Variants in HIC1 observed in about 807,000 individuals in gnomAD.
HIC1 encodes hypermethylated in cancer 1 protein.
HIC1 carries 9 observed loss-of-function variants against 26.4 expected under a neutral mutation model. That is an observed-to-expected ratio of 0.34 (90% confidence interval 0.21 to 0.59). HIC1 has a LOEUF of 0.59. HIC1 is among the 20% of genes least tolerant of loss of function. The pLI, the probability that HIC1 is intolerant of heterozygous loss-of-function variation, is 0.82. For synonymous variants in HIC1, 631 were observed against 523.1 expected (o/e 1.21, Z -2.81); for missense variants, 965 against 1,075.7 (o/e 0.90, Z 1.44).
At chr17:2,056,473 T>C (rs534087336) in intron 1 of HIC1, 198 bp from the exon 2 acceptor site, 2 of 1,341,322 alleles carry the variant, frequency 1.5e-6, no homozygotes, top group East Asian at 2.3e-5. Flanking sequence ...GCTCACCTCC[T>C]GCTCCTTCTC....
Position 2,058,364 on chromosome 17 carries a change from C to T in HIC1, c.1674C>T (p.Arg558=). The part of the protein sequence containing the change: ...ACGMRFTRQY[R]LTEHMRIHSG... ...GCATGCGGTTCACGCGCCAGTACCG[C>T]CTCACGGAGCACATGCGCATCCACT... Residue 558 remains arginine, a synonymous_variant, in exon 2 of 2, where the codon CGC becomes CGT. Transcript: ENST00000619757. 1 of 1,610,660 alleles carries T rather than the reference C, an allele frequency of 6.2e-7. No homozygotes were observed. Among genetic ancestry groups the T allele is most frequent in the Non-Finnish European group, 8.5e-7 (1 of 1,179,006 alleles).
At chr17:2,056,345 G>C (rs2067672420) in intron 1 of HIC1, 1 of 1,613,230 alleles carries the variant, frequency 6.2e-7, no homozygotes, top group South Asian at 1.1e-5. Context: ...TACTTAAATC[G>C]GGTAACTGTC....
rs2067766552 is a variant in HIC1 at position 2,061,289 on chromosome 17, C to T, written c.*2454C>T. 3 of 563,698 alleles carry T rather than the reference C, an allele frequency of 5.3e-6. No homozygotes were observed. The highest frequency in any genetic ancestry group is 3.2e-5 in the Admixed American group (1 of 31,344). The allele number at this position is 563,698 out of a possible 1,614,324, so 34.9% of individuals were successfully genotyped here. Reference sequence around the variant, plus strand: ...TAAATCCTGGCAGCCCAGGAGGGTCCCAGCAGCTTCCGCCCGATCCTTGGG... The same window carrying T: ...TAAATCCTGGCAGCCCAGGAGGGTCTCAGCAGCTTCCGCCCGATCCTTGGG... On this transcript the variant is annotated 3_prime_UTR_variant, in exon 2 of 2. Coordinates refer to ENST00000619757, the MANE Select transcript of HIC1 (RefSeq NM_006497.4).
rs749434185 is a variant in HIC1 at position 2,061,491 on chromosome 17, C to G, written c.*2656C>G. 141 of 1,571,534 alleles carry G rather than the reference C, an allele frequency of 9.0e-5. 1 individual carries two copies. The South Asian group carries it at 1.6e-3, about 17-fold the overall frequency. ...GGGGGGGGGGCCCCAGTGTGGCTCCCTCAGCCCACCTGGGCCCACGTGAGG... is the reference window on the plus strand; with the variant it reads ...GGGGGGGGGGCCCCAGTGTGGCTCCGTCAGCCCACCTGGGCCCACGTGAGG... On this transcript the variant is annotated 3_prime_UTR_variant, in exon 2 of 2. Transcript: ENST00000619757.
chr17:2,061,431 C>A lies in HIC1; in HGVS notation c.*2596C>A. 2 of 1,500,934 alleles carry A rather than the reference C, an allele frequency of 1.3e-6. No homozygotes were observed. The highest frequency in any genetic ancestry group is 1.8e-6 in the Non-Finnish European group (2 of 1,118,694). 93.0% of individuals were successfully genotyped at this position (1,500,934 alleles called of 1,614,324 possible). On this transcript the variant is annotated 3_prime_UTR_variant, in exon 2 of 2. Coordinates refer to ENST00000619757, the MANE Select transcript of HIC1 (RefSeq NM_006497.4). ...GCACGTGGGCATCTTCCGTGCTACACTGGGCGCCTGGTGGCCTTTCAGGAA... is the reference window on the plus strand; with the variant it reads ...GCACGTGGGCATCTTCCGTGCTACAATGGGCGCCTGGTGGCCTTTCAGGAA...
At position 2,058,109 on chromosome 17, in the gene HIC1, G is replaced by A; in HGVS notation, c.1419G>A (p.Lys473=). 5 of 1,596,962 alleles carry A rather than the reference G, an allele frequency of 3.1e-6. No homozygotes were observed. Among genetic ancestry groups the A allele is most frequent in the Non-Finnish European group, 4.3e-6 (5 of 1,175,156 alleles). ...LGPPFGGGGD[K]VAGAPGGLGE... ...CCCCTTTTGGAGGCGGCGGGGACAA[G>A]GTCGCCGGGGCTCCGGGTGGCCTGG... The change falls in exon 2 of 2, where the codon AAG becomes AAA. Residue 473 remains lysine (K), a synonymous_variant. Coordinates refer to ENST00000619757, the MANE Select transcript of HIC1 (RefSeq NM_006497.4).
Position 2,057,480 on chromosome 17 carries a change from C to T in HIC1, c.790C>T (p.Pro264Ser). Reference protein sequence around the residue: ...SAGPAAYKEPPLALPSLPPLP... With the variant: ...SAGPAAYKEPSLALPSLPPLP... ...CGGCCCCGCCGCCTACAAGGAGCCG[C>T]CTCTCGCCCTGCCGTCGCTGCCGCC... Residue 264 changes from proline to serine, a missense_variant, in exon 2 of 2, where the codon CCT (proline) becomes TCT (serine). Transcript: ENST00000619757. 6.7e-7 allele frequency: 1 copy of T among 1,482,448 alleles called. No homozygotes were observed. The highest frequency in any genetic ancestry group is 1.3e-5 in the South Asian group (1 of 79,350). The allele number at this position is 1,482,448 out of a possible 1,614,324, so 91.8% of individuals were successfully genotyped here.
At chr17:2,056,119 C>T in intron 1 of HIC1, 1 of 309,752 alleles carries the variant, frequency 3.2e-6, no homozygotes, top group Non-Finnish European at 5.9e-6. Context: ...GCCGCTGCCT[C>T]CGCTCCCCGC....
chr17:2,061,433 G>T lies in HIC1; in HGVS notation c.*2598G>T. ...ACGTGGGCATCTTCCGTGCTACACT[G>T]GGCGCCTGGTGGCCTTTCAGGAACG... On this transcript the variant is annotated 3_prime_UTR_variant, in exon 2 of 2. Coordinates refer to ENST00000619757, the MANE Select transcript of HIC1 (RefSeq NM_006497.4). 2.0e-6 allele frequency: 3 copies of T among 1,514,476 alleles called. No homozygotes were observed. Among genetic ancestry groups the T allele is most frequent in the Non-Finnish European group, 2.7e-6 (3 of 1,127,468 alleles). 93.8% of individuals were successfully genotyped at this position (1,514,476 alleles called of 1,614,324 possible). A position where few individuals can be genotyped will look rare whatever the true frequency, so the allele number is the denominator to read the frequency against.
At chr17:2,056,526 G>A in intron 1 of HIC1, 145 bp from the exon 2 acceptor site, 1 of 1,356,796 alleles carries the variant, frequency 7.4e-7, no homozygotes, top group Non-Finnish European at 1.0e-6. Context: ...CCAGAGGGCA[G>A]CCGGTCCTTC....
Position 2,057,005 on chromosome 17 carries a change from G to C in HIC1, c.315G>C (p.Pro105=). ...AAAAVAPGAE[P]SLGAVLAAAS... is the part of the protein sequence containing the mutation. ...CGGCCGTGGCCCCGGGGGCTGAGCC[G>C]AGCCTGGGCGCCGTGCTGGCCGCCG... The change falls in exon 2 of 2, where the codon CCG becomes CCC. Residue 105 remains proline (P), a synonymous_variant. Coordinates refer to ENST00000619757, the MANE Select transcript of HIC1 (RefSeq NM_006497.4). 1 of 1,512,144 alleles carries C rather than the reference G, an allele frequency of 6.6e-7. No homozygotes were observed. Among genetic ancestry groups the C allele is most frequent in the Non-Finnish European group, 8.8e-7 (1 of 1,135,188 alleles). The allele number at this position is 1,512,144 out of a possible 1,614,324, so 93.7% of individuals were successfully genotyped here.
In HIC1 at chr17:2,057,636, G is replaced by T; in HGVS notation, c.946G>T (p.Glu316Ter). ...TCTCCTCTATCGCTGGATGAAGCAC[G>T]AGCCGGGCCTGGGTAGCTATGGCGA... ...PSLLYRWMKH[E>*]PGLGSYGDEL... The change falls in exon 2 of 2, where the codon GAG becomes TAG. Residue 316 changes from glutamate to a stop codon, truncating the protein, a stop_gained. Coordinates refer to ENST00000619757, the MANE Select transcript of HIC1 (RefSeq NM_006497.4). LOFTEE classifies it high-confidence loss of function. 1 of 1,516,284 alleles carries T rather than the reference G, an allele frequency of 6.6e-7. No individual in the cohort carries two copies. Among genetic ancestry groups the T allele is most frequent in the Non-Finnish European group, 8.8e-7 (1 of 1,139,462 alleles). 93.9% of individuals were successfully genotyped at this position (1,516,284 alleles called of 1,614,324 possible).
In HIC1 at chr17:2,057,184, T is replaced by A; in HGVS notation, c.494T>A (p.Val165Asp). The change falls in exon 2 of 2, where the codon GTC becomes GAC. Residue 165 changes from valine to aspartate, a missense_variant. Val to Asp is a radical substitution (Grantham distance 152). Around this residue, in one of 6 missense-constraint regions of HIC1, gnomAD observed 526 missense variants for 525.0 expected, o/e 1.00. Transcript: ENST00000619757. ...CGGGGCCTGCGGGCCGCCACGCCGG[T>A]CATCCAGGCCTGCTACCCGTCCCCA... ...PGRGLRAATP[V>D]IQACYPSPVG... 1 of 1,336,542 alleles carries A rather than the reference T, an allele frequency of 7.5e-7. No homozygotes were observed. Among genetic ancestry groups the A allele is most frequent in the Admixed American group, 3.8e-5 (1 of 26,364 alleles). 82.8% of individuals were successfully genotyped at this position (1,336,542 alleles called of 1,614,324 possible).
In HIC1 at chr17:2,057,061, C is replaced by G. The variant is rs1414115294; in HGVS notation, c.371C>G (p.Ala124Gly). The G allele has an allele frequency of 2.7e-6, 4 of 1,464,854 alleles. No individual in the cohort carries two copies. Among genetic ancestry groups the G allele is most frequent in the East Asian group, 5.7e-5 (2 of 35,036 alleles). 90.7% of individuals were successfully genotyped at this position (1,464,854 alleles called of 1,614,324 possible). ...ASYLQIPDLV[A>G]LCKKRLKRHG... ...TACCTGCAGATCCCCGACCTCGTGG[C>G]GCTGTGCAAGAAACGCCTCAAGCGC... The change falls in exon 2 of 2, where the codon GCG becomes GGG. Residue 124 changes from alanine (A) to glycine (G), a missense_variant. Physicochemically the swap from Ala to Gly is moderately conservative, Grantham distance 60 (BLOSUM62 0). Transcript: ENST00000619757.
Position 2,058,298 on chromosome 17 carries a change from C to T in HIC1, c.1608C>T (p.Arg536=), listed in dbSNP as rs371173480. ...TQRGTMTRHM[R]SHLGLKPFAC... is the part of the protein sequence containing the mutation. ...GTGGGACCATGACGCGCCACATGCG[C>T]AGCCACCTGGGCCTCAAGCCCTTCG... The change falls in exon 2 of 2, where the codon CGC becomes CGT. Residue 536 remains arginine, a synonymous_variant. Transcript: ENST00000619757. 85 of 1,609,530 alleles carry T rather than the reference C, an allele frequency of 5.3e-5. No homozygotes were observed. The highest frequency in any genetic ancestry group is 6.8e-5 in the Non-Finnish European group (80 of 1,178,640).
rs2067728744 is a variant in HIC1, at chr17:2,060,057, C to G, written c.*1222C>G. ...CCCCAAACTACTGGCCTTGGCTCCC[C>G]TACACGGTACCCCATCGCTTCTGGC... is the stretch of plus-strand genomic sequence containing the variant. On this transcript the variant is annotated 3_prime_UTR_variant, in exon 2 of 2. Coordinates refer to ENST00000619757, the MANE Select transcript of HIC1 (RefSeq NM_006497.4). The G allele has an allele frequency of 6.5e-6, 1 of 152,806 alleles. No homozygotes were observed. Among genetic ancestry groups the G allele is most frequent in the Non-Finnish European group, 1.5e-5 (1 of 68,510 alleles). The allele number at this position is 152,806 out of a possible 1,614,324, so 9.5% of individuals were successfully genotyped here. A position where few individuals can be genotyped will look rare whatever the true frequency, so the allele number is the denominator to read the frequency against.
At position 2,056,735 on chromosome 17, in the gene HIC1, G is replaced by T; in HGVS notation, c.45G>T (p.Leu15=). The T allele has an allele frequency of 6.2e-7, 1 of 1,610,852 alleles. No individual in the cohort carries two copies. The part of the protein sequence containing the change: ...MEAPGHSRQL[L]LQLNNQRTKG... The stretch of plus-strand genomic sequence containing the variant: ...CGCCCGGCCACTCCAGGCAGCTGCT[G>T]CTGCAGCTCAACAACCAGCGCACCA... Residue 15 remains leucine, a synonymous_variant, in exon 2 of 2, where the codon CTG becomes CTT. Transcript: ENST00000619757.
At position 2,062,897 on chromosome 17, in the gene HIC1, A is replaced by G. The variant is rs533906380; in HGVS notation, c.*4062A>G. ...GAGGTTTGTGGGGTTGGTGGTGGCGAGAGAAGAGGACAGGAGGAAGGAGAG... is the reference window on the plus strand; with the variant it reads ...GAGGTTTGTGGGGTTGGTGGTGGCGGGAGAAGAGGACAGGAGGAAGGAGAG... On this transcript the variant is annotated 3_prime_UTR_variant, in exon 2 of 2. Transcript: ENST00000619757. 6.6e-6 allele frequency: 1 copy of G among 152,326 alleles called. No homozygotes were observed. Among genetic ancestry groups the G allele is most frequent in the East Asian group, 1.9e-4 (1 of 5,200 alleles). 9.4% of individuals were successfully genotyped at this position (152,326 alleles called of 1,614,324 possible).
rs971863217 is a variant in HIC1, at chr17:2,061,141, G to A, written c.*2306G>A. ...TGTCTCCACTGGAGAAAGTGGCTGC[G>A]TCCCCAGGCGAGAAGGCCCTCCCTC... is the stretch of plus-strand genomic sequence containing the variant. On this transcript the variant is annotated 3_prime_UTR_variant, in exon 2 of 2. Coordinates refer to ENST00000619757, the MANE Select transcript of HIC1 (RefSeq NM_006497.4). 3.2e-5 allele frequency: 7 copies of A among 215,816 alleles called. No individual in the cohort carries two copies. The highest frequency in any genetic ancestry group is 1.6e-4 in the Admixed American group (3 of 19,252). 13.4% of individuals were successfully genotyped at this position (215,816 alleles called of 1,614,324 possible). A position where few individuals can be genotyped will look rare whatever the true frequency, so the allele number is the denominator to read the frequency against.
Sources: gnomAD v4.1 joint callset for allele counts on GRCh38, gnomAD v4.1.1 for gene constraint, gnomAD v4.1.1 regional missense constraint, MANE v1.5 for transcripts, NCBI Gene and HGNC (gene_info 2026-07-23, HGNC 2026-07-21) for gene names.